NF1: variants seen among roughly 807,000 people sequenced by gnomAD.
NF1 encodes the protein neurofibromin.
NF1 carries 122 observed loss-of-function variants against 325.7 expected under a neutral mutation model. The observed-to-expected ratio is 0.37, with a 90% CI of 0.32 to 0.44. NF1 has a LOEUF of 0.44. Ranked by LOEUF, NF1 falls within the 20% of genes least tolerant of loss-of-function variation. The pLI, the probability that NF1 is intolerant of heterozygous loss-of-function variation, is 1.00. For missense variants in NF1, 2,140 were observed against 3,415.4 expected (o/e 0.63, Z 9.31); for synonymous variants, 1,091 against 1,186.0 (o/e 0.92, Z 1.65).
chr17:31,240,230 C>CA (rs2067272426), intron 29 of NF1, among the ~76,000 whole-genome samples: 1 of 152,178 alleles, frequency 6.6e-6, no homozygotes, highest in South Asian at 2.1e-4. Context: ...CCCCACCCCC[C>CA]ACTACACTTC....
intron 1 of NF1, among the ~76,000 whole-genome samples, chr17:31,099,801 T>TC (rs1337209022): frequency 1.3e-5 from 2 of 152,122 alleles, no homozygotes; most frequent in Admixed American, 6.5e-5. Context: ...CTTCAGGTGA[T>TC]CCACCTGCCT....
At chr17:31,362,732 A>T (rs2070427032) in intron 57 of NF1, among the ~76,000 whole-genome samples, 1 of 152,234 alleles carries the variant, frequency 6.6e-6, no homozygotes, top group Admixed American at 6.5e-5. Flanking sequence ...GGTGTTAAAC[A>T]TGTCAAAAAT....
At chr17:31,238,356 ATTACT>A (rs2067238728) in intron 29 of NF1, among the ~76,000 whole-genome samples, 1 of 152,182 alleles carries the variant, frequency 6.6e-6, no homozygotes, top group African/African-American at 2.4e-5. Flanking sequence ...CTCAGGAGAA[ATTACT>A]TTACCAGAGC....
At chr17:31,232,262 A>G in intron 25 of NF1, 73 bp downstream of exon 25, 1 of 899,758 alleles carries the variant, frequency 1.1e-6, no homozygotes, top group South Asian at 1.3e-5. Flanking sequence ...AAAGCAAAGA[A>G]ATAATACCCA....
At position 31,325,961 on chromosome 17, in the gene NF1, C is replaced by G. The variant is rs863224355; in HGVS notation, c.4977C>G (p.Leu1659=). 16 of 1,614,220 alleles carry G rather than the reference C, an allele frequency of 9.9e-6. No homozygotes were observed. The highest frequency in any genetic ancestry group is 9.3e-6 in the Non-Finnish European group (11 of 1,180,040). The change falls in exon 37 of 58, where the codon CTC becomes CTG. Residue 1659 remains leucine, a synonymous_variant. Transcript: ENST00000358273. ...GCAATCGCTTTAAAACAGACTTTCT[C>G]TCTAAGTGGTTTGTTGTTTTTCCTG... ...GPSNRFKTDF[L]SKWFVVFPGF... is the part of the protein sequence containing the mutation.
At chr17:31,243,800 C>G (rs2067345257) in intron 29 of NF1, among the ~76,000 whole-genome samples, 1 of 151,904 alleles carries the variant, frequency 6.6e-6, no homozygotes, top group African/African-American at 2.4e-5. Flanking sequence ...ACTTAGTGCC[C>G]TACCCCACTG....
chr17:31,337,007 C>T lies in NF1; in HGVS notation c.6427+93C>T, dbSNP rs1186954798. 4 of 1,371,440 alleles carry T rather than the reference C, an allele frequency of 2.9e-6. No homozygotes were observed. The African/African-American group carries it at 4.3e-5, about 15-fold the overall frequency. 85.0% of individuals were successfully genotyped at this position (1,371,440 alleles called of 1,614,324 possible). ...AGATTATCTTATTTATGTTTGTGCT[C>T]TAACACCAAGTTGCTAATTTAAGCC... On this transcript the variant is annotated intron_variant, in intron 42 of 57. Coordinates refer to ENST00000358273, the MANE Select transcript of NF1 (RefSeq NM_001042492.3).
intron 36 of NF1, chr17:31,304,329 A>G (rs1173522768): frequency 6.2e-7 from 1 of 1,614,126 alleles, no homozygotes; most frequent in South Asian, 1.1e-5. Flanking sequence ...TGGGAGGAAT[A>G]GAGAACTCCT....
At chr17:31,137,128 T>C (rs529156805) in intron 1 of NF1, 1 of 152,320 alleles carries the variant, frequency 6.6e-6, no homozygotes, top group South Asian at 2.1e-4. Context: ...CTCCTTTTTG[T>C]TGTTTGTTCT....
Position 31,291,005 on chromosome 17 carries a change from GAAATAAATAAAT to G in NF1, c.4835+25693_4835+25704del, listed in dbSNP as rs35278712. Among the ~76,000 whole-genome samples, 254 of 149,226 alleles carry G rather than the reference GAAATAAATAAAT, an allele frequency of 1.7e-3. 1 individual carries two copies. Among genetic ancestry groups the G allele is most frequent in the Admixed American group, 3.0e-3 (45 of 14,978 alleles). On this transcript the variant is annotated intron_variant, in intron 36 of 57. Transcript: ENST00000358273. ...TGAGTGACAGAGCAAGACTCTGTAT[GAAATAAATAAAT>G]AAATAAATAAATAAATAAATAAATA...
Position 31,182,494 on chromosome 17 carries a change from T to C in NF1, c.731-14T>C. On this transcript the variant is annotated splice_polypyrimidine_tract_variant and intron_variant, in intron 7 of 57. Transcript: ENST00000358273. ...TCCTATCTAATAATGTCATTTAATA[T>C]ATTTTTCATGCAGAATGTGCAGAAA... 1.2e-6 allele frequency: 2 copies of C among 1,613,528 alleles called. No homozygotes were observed. The highest frequency in any genetic ancestry group is 1.7e-6 in the Non-Finnish European group (2 of 1,179,558).
In NF1 at chr17:31,252,953, C is replaced by G. The variant is rs2067520884; in HGVS notation, c.4126C>G (p.Leu1376Val). ...HCLYQATCHS[L>V]LNKATVKEKK... ...TGTTCTGTAGGCAACTTGCCACTCC[C>G]TACTGAATAAAGCTACAGTAAAAGA... The change falls in exon 31 of 58, where the codon CTA becomes GTA. Residue 1376 changes from leucine to valine, a missense_variant. By Grantham distance (32) the Leu-to-Val change is conservative. Coordinates refer to ENST00000358273, the MANE Select transcript of NF1 (RefSeq NM_001042492.3). 1 of 1,613,546 alleles carries G rather than the reference C, an allele frequency of 6.2e-7. No individual in the cohort carries two copies. The highest frequency in any genetic ancestry group is 1.1e-5 in the South Asian group (1 of 91,068).
At chr17:31,346,740 G>A (rs1359386163) in intron 48 of NF1, among the ~76,000 whole-genome samples, 5 of 151,596 alleles carry the variant, frequency 3.3e-5, no homozygotes, top group African/African-American at 7.3e-5. Flanking sequence ...ATTTTTTTCC[G>A]GTAGGAATAA....
chr17:31,225,021 G>A, intron 16 of NF1, 74 bp from the exon 17 acceptor site: 5 of 1,539,274 alleles, frequency 3.2e-6, no homozygotes, highest in Non-Finnish European at 4.5e-6. Context: ...CAAACAGGAA[G>A]ACAACTCAAA....
chr17:31,350,161 C>A (rs2070101937), intron 49 of NF1, 22 bp from the exon 50 acceptor site: 2 of 1,613,726 alleles, frequency 1.2e-6, no homozygotes, highest in Non-Finnish European at 1.7e-6. Context: ...AATTTTTTAA[C>A]CTGCCACCGT....
intron 1 of NF1, among the ~76,000 whole-genome samples, chr17:31,114,622 G>A (rs1285524442): frequency 1.3e-5 from 2 of 151,852 alleles, no homozygotes; most frequent in African/African-American, 4.8e-5. Flanking sequence ...TCTGGAAGCT[G>A]AGGTGGGCAG....
At chr17:31,351,005 T>C (rs1346046351) in intron 50 of NF1, among the ~76,000 whole-genome samples, 3 of 152,198 alleles carry the variant, frequency 2.0e-5, no homozygotes, top group Non-Finnish European at 1.5e-5. Context: ...ACTTCAACAA[T>C]TTCCTTAAGA....
intron 3 of NF1, among the ~76,000 whole-genome samples, 157 bp from the exon 4 acceptor site, chr17:31,163,029 G>C (rs928360284): frequency 6.6e-6 from 1 of 152,166 alleles, no homozygotes; most frequent in Non-Finnish European, 1.5e-5. Flanking sequence ...GACAGATGTA[G>C]CAAATATGAT....
chr17:31,340,398 A>C, intron 46 of NF1, 107 bp from the exon 47 acceptor site: 1 of 1,403,628 alleles, frequency 7.1e-7, no homozygotes, highest in East Asian at 2.3e-5. Context: ...AAGAGAAAAC[A>C]TGGGTAATTT....
Sources: gnomAD v4.1 joint callset for allele counts (sites outside exome capture counted in the v4.1 genomes callset) on GRCh38, gnomAD v4.1.1 for gene constraint, MANE v1.5 for transcripts, NCBI Gene and HGNC (gene_info 2026-07-23, HGNC 2026-07-21) for gene names.